Variants in ZNF732 observed in about 807,000 individuals in gnomAD.
ZNF732 encodes zinc finger protein 732.
A neutral mutation model predicts 11.5 loss-of-function variants in ZNF732; 12 were observed. That is an observed-to-expected ratio of 1.05 (90% CI 0.67 to 1.70). The LOEUF (loss-of-function observed/expected upper bound fraction) is 1.70. Ranked by LOEUF, ZNF732 falls within the 40% of genes most tolerant of loss-of-function variation. The pLI is 0.00. For synonymous variants in ZNF732, 231 were observed against 236.5 expected (o/e 0.98, Z 0.21); for missense variants, 702 against 676.9 (o/e 1.04, Z -0.41).
At chr4:295,958 A>G (rs1719941530) in intron 2 of ZNF732, 71 bp downstream of exon 2, 16 of 1,550,208 alleles carry the variant, frequency 1.0e-5, no homozygotes, top group Non-Finnish European at 1.4e-5. Context: ...TTCCCAAGAG[A>G]CATTCTACAA....
intron 3 of ZNF732, among the ~76,000 whole-genome samples, chr4:288,205 G>A (rs114334217): frequency 1.3e-5 from 2 of 151,924 alleles, no homozygotes; most frequent in Non-Finnish European, 2.9e-5. Context: ...TGCTTCTTAG[G>A]TGGGACTCTT....
At chr4:288,060 T>C (rs1553840866) in intron 3 of ZNF732, among the ~76,000 whole-genome samples, 2 of 152,362 alleles carry the variant, frequency 1.3e-5, no homozygotes, top group Admixed American at 1.3e-4. Flanking sequence ...TTGTTATATG[T>C]ATTTCATCTC....
rs150738695 is a variant in ZNF732 at position 271,758 on chromosome 4, A to G, written c.1099T>C (p.Cys367Arg). The change falls in exon 4 of 4, where the codon TGT becomes CGT. Residue 367 changes from cysteine to arginine, a missense_variant. By Grantham distance (180) the Cys-to-Arg change is radical. Transcript: ENST00000419098. ...GCGGATTGTCTAAAGGCTTTGCCAC[A>G]TTGTTCACATTTGTAGGGCTTCTCT... ...TGEKPYKCEQ[C>R]GKAFRQSATL... 23,387 of 1,612,862 alleles carry G rather than the reference A, an allele frequency of 0.015. 295 individuals are homozygous for G. Among genetic ancestry groups the G allele is most frequent in the Middle Eastern group, 0.063 (380 of 6,052 alleles).
At chr4:299,416 C>CATATGTGTATAT (rs1720041985) in intron 1 of ZNF732, among the ~76,000 whole-genome samples, 4 of 56,234 alleles carry the variant, frequency 7.1e-5, no homozygotes, top group Non-Finnish European at 1.5e-4. Context: ...TATATATATA[C>CATATGTGTATAT]ACATATATAC....
intron 1 of ZNF732, among the ~76,000 whole-genome samples, chr4:298,063 C>T (rs1719996657): frequency 6.6e-6 from 1 of 152,120 alleles, no homozygotes. Flanking sequence ...AGGAATTTAA[C>T]CAAATCCCTT....
chr4:282,412 A>G (rs138701139), intron 3 of ZNF732, among the ~76,000 whole-genome samples: 2 of 152,172 alleles, frequency 1.3e-5, no homozygotes, highest in South Asian at 2.1e-4. Flanking sequence ...TTTTAAAAAG[A>G]AGCAGTTGGG....
chr4:299,483 AC>A (rs1553843239), intron 1 of ZNF732, among the ~76,000 whole-genome samples: 1 of 116,402 alleles, frequency 8.6e-6, no homozygotes, highest in Non-Finnish European at 1.8e-5. Flanking sequence ...ACACATATAT[AC>A]ACATATGTGT....
chr4:288,344 C>A (rs1719774173), intron 3 of ZNF732, among the ~76,000 whole-genome samples: 1 of 152,130 alleles, frequency 6.6e-6, no homozygotes, highest in African/African-American at 2.4e-5. Context: ...GTCTCTATTC[C>A]TATATTTTCT....
intron 1 of ZNF732, among the ~76,000 whole-genome samples, chr4:302,887 C>A (rs1553843808): frequency 6.6e-6 from 1 of 152,180 alleles, no homozygotes; most frequent in East Asian, 1.9e-4. Flanking sequence ...TCTCCCTCTT[C>A]TTTTAATCAC....
intron 2 of ZNF732, 88 bp from the exon 3 acceptor site, chr4:295,621 G>A (rs1719932579): frequency 8.8e-7 from 1 of 1,140,510 alleles, no homozygotes; most frequent in African/African-American, 1.6e-5. Context: ...GAGAAATTAT[G>A]GAAGATCCTA....
rs782043727 is a variant in ZNF732, at chr4:272,183, C to T, written c.674G>A (p.Cys225Tyr). The change falls in exon 4 of 4, where the codon TGT (cysteine) becomes TAT (tyrosine). Residue 225 changes from cysteine to tyrosine, a missense_variant. By Grantham distance (194) the Cys-to-Tyr change is radical. Around this residue, in one of 3 missense-constraint regions of ZNF732, gnomAD observed 596 missense variants for 557.9 expected, o/e 1.07. Transcript: ENST00000419098. Reference sequence around the variant, plus strand: ...GGTAAAGATGTTGCCACATTCTTCACATGTGAAGGGTTTCTCTCCAGTATG... The same window carrying T: ...GGTAAAGATGTTGCCACATTCTTCATATGTGAAGGGTTTCTCTCCAGTATG... Reference protein sequence around the residue: ...IIHTGEKPFTCEECGNIFTTS... With the variant: ...IIHTGEKPFTYEECGNIFTTS... 1.2e-6 allele frequency: 2 copies of T among 1,613,440 alleles called. No individual in the cohort carries two copies. Among genetic ancestry groups the T allele is most frequent in the Non-Finnish European group, 1.7e-6 (2 of 1,179,656 alleles).
chr4:283,855 AAGAC>A (rs577506978), intron 3 of ZNF732, among the ~76,000 whole-genome samples: 15 of 152,316 alleles, frequency 9.8e-5, no homozygotes, highest in Admixed American at 6.5e-4. Flanking sequence ...GCCCACAACA[AAGAC>A]AAACAAGTCT....
At chr4:301,964 G>A (rs1209118745) in intron 1 of ZNF732, among the ~76,000 whole-genome samples, 2 of 152,180 alleles carry the variant, frequency 1.3e-5, no homozygotes, top group Admixed American at 6.5e-5. Context: ...CCATGATCAC[G>A]GAATCAGTGT....
In ZNF732 at chr4:272,212, T is replaced by C; in HGVS notation, c.645A>G (p.Ile215Met). 1.2e-6 allele frequency: 2 copies of C among 1,612,892 alleles called. No homozygotes were observed. Among genetic ancestry groups the C allele is most frequent in the Non-Finnish European group, 1.7e-6 (2 of 1,179,330 alleles). ...TGAAGGGTTTCTCTCCAGTATGAAT[T>C]ATCTCATATTCATTAAAGATTAAAT... ...KWYLIFNEYEIIHTGEKPFTC... is the reference protein window; with the variant it reads ...KWYLIFNEYEMIHTGEKPFTC... The change falls in exon 4 of 4, where the codon ATA becomes ATG. Residue 215 changes from isoleucine (I) to methionine (M), a missense_variant. Ile to Met is a conservative substitution (Grantham distance 10, BLOSUM62 1). Coordinates refer to ENST00000419098, the MANE Select transcript of ZNF732 (RefSeq NM_001137608.3).
chr4:295,569 G>A, intron 2 of ZNF732, 36 bp from the exon 3 acceptor site: 1 of 1,534,170 alleles, frequency 6.5e-7, no homozygotes, highest in Non-Finnish European at 8.9e-7. Flanking sequence ...CTACTGTTAG[G>A]GATTCTCCAA....
At chr4:280,481 A>G (rs1355545650) in intron 3 of ZNF732, among the ~76,000 whole-genome samples, 2 of 152,144 alleles carry the variant, frequency 1.3e-5, no homozygotes, top group African/African-American at 4.8e-5. Flanking sequence ...CCTACTCGGG[A>G]GGCTGAGGCA....
intron 3 of ZNF732, among the ~76,000 whole-genome samples, chr4:294,842 C>T (rs1553841924): frequency 6.6e-6 from 1 of 152,172 alleles, no homozygotes; most frequent in Non-Finnish European, 1.5e-5. Flanking sequence ...AATCACAAAT[C>T]TCAGTTTATA....
chr4:278,194 A>T (rs986567247), intron 3 of ZNF732, among the ~76,000 whole-genome samples: 2 of 152,214 alleles, frequency 1.3e-5, no homozygotes, highest in Non-Finnish European at 2.9e-5. Context: ...GCTTTATGCA[A>T]CTAGTCTCAA....
At position 283,338 on chromosome 4, in the gene ZNF732, T is replaced by C. The variant is rs555145022; in HGVS notation, c.227-10708A>G. 1.5e-4 allele frequency among the ~76,000 whole-genome samples: 23 copies of C among 152,242 alleles called. No individual in the cohort carries two copies. The East Asian group carries it at 4.1e-3, about 27-fold the overall frequency. On this transcript the variant is annotated intron_variant, in intron 3 of 3. Coordinates refer to ENST00000419098, the MANE Select transcript of ZNF732 (RefSeq NM_001137608.3). ...CTAAAACACTCGCGAAATGTCTGAA[T>C]AGATTTAAAAAATCAACAACATGCT...
Sources: gnomAD v4.1 joint callset for allele counts (sites outside exome capture counted in the v4.1 genomes callset) on GRCh38, gnomAD v4.1.1 for gene constraint, gnomAD v4.1.1 regional missense constraint, MANE v1.5 for transcripts, NCBI Gene and HGNC (gene_info 2026-07-23, HGNC 2026-07-21) for gene names.